CDH18: variants seen among roughly 807,000 people sequenced by gnomAD.
CDH18 encodes cadherin 18.
Under a neutral mutation model 67.9 loss-of-function variants are expected in CDH18, and 31 were observed. That is an observed-to-expected ratio of 0.46 (90% CI 0.34 to 0.62). CDH18 has a LOEUF of 0.62. Among genes scored for constraint, CDH18 ranks in the 20% least tolerant of loss-of-function variants. The probability of loss-of-function intolerance (pLI) is 0.01; values close to 1 mark genes in which losing one functional copy is unlikely to be tolerated. For synonymous variants in CDH18, 362 were observed against 347.2 expected (o/e 1.04, Z -0.48); for missense variants, 890 against 975.5 (o/e 0.91, Z 1.17).
intron 2 of CDH18, among the ~76,000 whole-genome samples, chr5:20,185,955 T>G (rs1010020177): frequency 6.6e-6 from 1 of 151,394 alleles, no homozygotes; most frequent in East Asian, 1.9e-4. Flanking sequence ...AGAGAATGAA[T>G]GAAGTAATGA....
chr5:19,738,904 A>G (rs1177606660), intron 4 of CDH18, among the ~76,000 whole-genome samples: 1 of 152,180 alleles, frequency 6.6e-6, no homozygotes, highest in Non-Finnish European at 1.5e-5. Flanking sequence ...CTTAAAATAT[A>G]AGTTTAAAAA....
At chr5:20,567,332 A>G (rs1357334704) in intron 1 of CDH18, among the ~76,000 whole-genome samples, 1 of 152,160 alleles carries the variant, frequency 6.6e-6, no homozygotes, top group Non-Finnish European at 1.5e-5. Flanking sequence ...CTCTGTGTTG[A>G]AGTATATTTT....
intron 1 of CDH18, among the ~76,000 whole-genome samples, chr5:20,438,847 A>G (rs1159881854): frequency 1.1e-4 from 16 of 151,556 alleles, no homozygotes; most frequent in Non-Finnish European, 5.9e-5. Context: ...ATTATAATTT[A>G]CTAGACCTCC....
intron 1 of CDH18, among the ~76,000 whole-genome samples, chr5:20,271,790 T>C (rs954229213): frequency 3.9e-5 from 6 of 152,172 alleles, no homozygotes; most frequent in African/African-American, 1.2e-4. Context: ...ATTTCTGTTG[T>C]GTAAGCACAC....
chr5:20,393,670 A>G (rs1745048417), intron 1 of CDH18, among the ~76,000 whole-genome samples: 3 of 152,048 alleles, frequency 2.0e-5, no homozygotes, highest in African/African-American at 4.8e-5. Context: ...TGAATTCAGT[A>G]AAGTCTCAGG....
In CDH18 at chr5:19,915,058, A is replaced by G. The variant is rs564313787; in HGVS notation, c.-257+66002T>C. 2.0e-5 allele frequency among the ~76,000 whole-genome samples: 3 copies of G among 152,266 alleles called. No individual in the cohort carries two copies. The South Asian group carries it at 6.2e-4, about 31-fold the overall frequency. ...TTTGTGCTTAACACTCTTTTAGAAA[A>G]TAAGTGGTATGAGGGAGTTTTGATG... On this transcript the variant is annotated intron_variant, in intron 2 of 12. Transcript: ENST00000382275.
intron 1 of CDH18, among the ~76,000 whole-genome samples, chr5:20,536,204 T>C (rs1756706222): frequency 6.6e-6 from 1 of 152,144 alleles, no homozygotes; most frequent in African/African-American, 2.4e-5. Context: ...TAATAACCAA[T>C]TGATCAGTTG....
intron 1 of CDH18, among the ~76,000 whole-genome samples, chr5:19,985,496 A>G (rs1799465694): frequency 6.6e-6 from 1 of 152,096 alleles, no homozygotes; most frequent in Admixed American, 6.6e-5. Context: ...ATGTATAGAG[A>G]GATTTTTTTA....
intron 2 of CDH18, among the ~76,000 whole-genome samples, chr5:20,136,469 A>G (rs1176991350): frequency 3.9e-5 from 6 of 151,942 alleles, no homozygotes. Context: ...CTTTATTTTG[A>G]GTCTATGTGT....
At chr5:20,232,999 G>GA (rs1311830005) in intron 2 of CDH18, among the ~76,000 whole-genome samples, 1 of 151,754 alleles carries the variant, frequency 6.6e-6, no homozygotes, top group Non-Finnish European at 1.5e-5. Flanking sequence ...TAACAATAAA[G>GA]AAGTTGAAAC....
intron 2 of CDH18, among the ~76,000 whole-genome samples, chr5:20,181,362 A>T (rs1020066131): frequency 5.3e-5 from 8 of 152,044 alleles, no homozygotes; most frequent in Middle Eastern, 3.2e-3. Flanking sequence ...GAAATATCTA[A>T]TCCCAGGATA....
At chr5:20,193,031 AG>A (rs1738672635) in intron 2 of CDH18, among the ~76,000 whole-genome samples, 1 of 152,028 alleles carries the variant, frequency 6.6e-6, no homozygotes, top group Non-Finnish European at 1.5e-5. Context: ...TTCCTTGAGC[AG>A]TGGTTTGTAG....
At chr5:19,964,272 A>G (rs1797207494) in intron 2 of CDH18, among the ~76,000 whole-genome samples, 1 of 152,086 alleles carries the variant, frequency 6.6e-6, no homozygotes, top group Non-Finnish European at 1.5e-5. Context: ...TTGGTTTGTC[A>G]TGCAGACAAG....
At chr5:20,125,140 T>C (rs1431466668) in intron 2 of CDH18, among the ~76,000 whole-genome samples, 2 of 152,212 alleles carry the variant, frequency 1.3e-5, no homozygotes, top group Non-Finnish European at 2.9e-5. Context: ...ACAAGGATAC[T>C]TCCTACAACA....
intron 5 of CDH18, among the ~76,000 whole-genome samples, chr5:19,709,398 C>T (rs1764408502): frequency 6.6e-6 from 1 of 151,996 alleles, no homozygotes; most frequent in South Asian, 2.1e-4. Flanking sequence ...TGAAACCCAT[C>T]TCTACTAAAA....
chr5:20,231,928 T>G (rs1742109802), intron 2 of CDH18, among the ~76,000 whole-genome samples: 1 of 152,096 alleles, frequency 6.6e-6, no homozygotes, highest in Admixed American at 6.5e-5. Context: ...AATCAATAGA[T>G]TTCTATTGTT....
chr5:20,136,432 A>C (rs961096793), intron 2 of CDH18, among the ~76,000 whole-genome samples: 1 of 152,014 alleles, frequency 6.6e-6, no homozygotes, highest in Non-Finnish European at 1.5e-5. Context: ...TTTGTTTCGC[A>C]TTTGCTTGGT....
chr5:20,204,106 A>G (rs995204455), intron 2 of CDH18, among the ~76,000 whole-genome samples: 4 of 152,100 alleles, frequency 2.6e-5, no homozygotes, highest in Admixed American at 6.6e-5. Context: ...AAACTTCTCA[A>G]AACTTGAGAA....
intron 1 of CDH18, among the ~76,000 whole-genome samples, 200 bp downstream of exon 1, chr5:19,987,886 A>G (rs1195737839): frequency 2.0e-5 from 3 of 152,192 alleles, no homozygotes; most frequent in African/African-American, 7.2e-5. Flanking sequence ...ATTCCTGCAT[A>G]AGAAAATTCA....
Sources: gnomAD v4.1 joint callset for allele counts (sites outside exome capture counted in the v4.1 genomes callset) on GRCh38, gnomAD v4.1.1 for gene constraint, MANE v1.5 for transcripts, NCBI Gene and HGNC (gene_info 2026-07-23, HGNC 2026-07-21) for gene names.